Variants in LMAN2L observed in about 807,000 individuals in gnomAD.
LMAN2L encodes the protein VIP36-like protein.
A neutral mutation model predicts 44.3 loss-of-function variants in LMAN2L; 30 were observed. The observed-to-expected ratio is 0.68, with a 90% confidence interval of 0.51 to 0.92. LMAN2L has a LOEUF of 0.92. LMAN2L is among the 40% of genes least tolerant of loss of function. LMAN2L has a pLI of 0.00. For missense variants in LMAN2L, 429 were observed against 446.1 expected (o/e 0.96, Z 0.35); for synonymous variants, 183 against 171.1 (o/e 1.07, Z -0.54).
In LMAN2L at chr2:96,706,436, T is replaced by C. The variant is rs1041276807; in HGVS notation, c.*820A>G. On this transcript the variant is annotated 3_prime_UTR_variant, in exon 8 of 8. Coordinates refer to ENST00000264963, the MANE Select transcript of LMAN2L (RefSeq NM_030805.4). ...TTTGATCAAACCTGGAGCTGGTCAG[T>C]TGCACAGCTAATCCATGGCATCCAT... 7.2e-5 allele frequency: 11 copies of C among 152,234 alleles called. No individual in the cohort carries two copies. The highest frequency in any genetic ancestry group is 2.7e-4 in the African/African-American group (11 of 41,460). The allele number at this position is 152,234 out of a possible 1,614,324, so 9.4% of individuals were successfully genotyped here. A position where few individuals can be genotyped will look rare whatever the true frequency, so the allele number is the denominator to read the frequency against.
intron 4 of LMAN2L, among the ~76,000 whole-genome samples, chr2:96,729,046 C>A (rs1249640338): frequency 2.6e-5 from 4 of 150,956 alleles, no homozygotes; most frequent in Non-Finnish European, 5.9e-5. Flanking sequence ...GTGGCAGGTA[C>A]TTGTAGTCCC....
chr2:96,736,209 G>A (rs944272867), intron 2 of LMAN2L, among the ~76,000 whole-genome samples: 3 of 152,140 alleles, frequency 2.0e-5, no homozygotes, highest in African/African-American at 7.2e-5. Context: ...TTGTGGTTCT[G>A]AAATTCTGCC....
intron 4 of LMAN2L, among the ~76,000 whole-genome samples, chr2:96,725,961 A>T (rs1348587196): frequency 1.3e-5 from 2 of 151,598 alleles, no homozygotes; most frequent in Non-Finnish European, 2.9e-5. Flanking sequence ...GTGAAACCCC[A>T]TCTCTACTAA....
At chr2:96,734,347 A>G in intron 3 of LMAN2L, 62 bp downstream of exon 3, 1 of 1,014,940 alleles carries the variant, frequency 9.9e-7, no homozygotes, top group African/African-American at 1.6e-5. Context: ...CCTTTTCAAA[A>G]AGAGGGCACA....
intron 4 of LMAN2L, among the ~76,000 whole-genome samples, chr2:96,719,261 C>G (rs2078101718): frequency 6.6e-6 from 1 of 152,094 alleles, no homozygotes; most frequent in African/African-American, 2.4e-5. Context: ...TTCTTGGGTC[C>G]AACACTTTAA....
intron 4 of LMAN2L, among the ~76,000 whole-genome samples, chr2:96,727,286 T>C (rs747951243): frequency 2.6e-5 from 4 of 152,168 alleles, no homozygotes; most frequent in Non-Finnish European, 5.9e-5. Context: ...TATATGTTGT[T>C]TGTCCTTTAG....
chr2:96,736,227 G>A (rs1185169072), intron 2 of LMAN2L, among the ~76,000 whole-genome samples: 2 of 152,112 alleles, frequency 1.3e-5, no homozygotes, highest in Non-Finnish European at 2.9e-5. Context: ...GCCACACACT[G>A]GATTCACCTA....
chr2:96,719,451 G>C (rs1052241301), intron 4 of LMAN2L, among the ~76,000 whole-genome samples: 2 of 152,100 alleles, frequency 1.3e-5, no homozygotes, highest in Admixed American at 6.6e-5. Flanking sequence ...TCTTCATCAA[G>C]ACAAAGACTT....
chr2:96,731,942 G>A (rs1235019456), intron 4 of LMAN2L, among the ~76,000 whole-genome samples: 9 of 151,938 alleles, frequency 5.9e-5, no homozygotes, highest in African/African-American at 2.2e-4. Flanking sequence ...CCACCTCCCA[G>A]GTTCAAGTGA....
At chr2:96,711,247 A>G (rs1360762807) in intron 6 of LMAN2L, among the ~76,000 whole-genome samples, 2 of 152,226 alleles carry the variant, frequency 1.3e-5, no homozygotes, top group Non-Finnish European at 2.9e-5. Flanking sequence ...AACACATTCA[A>G]AAGTCTCAGC....
intron 2 of LMAN2L, 125 bp from the exon 3 acceptor site, chr2:96,734,651 T>C (rs189125672): frequency 1.0e-4 from 66 of 662,764 alleles, no homozygotes; most frequent in Middle Eastern, 7.4e-4. Context: ...GGTTAAAACT[T>C]AAATCTAAGA....
rs771832951 is a variant in LMAN2L, at chr2:96,734,409, C to A, written c.424G>T (p.Gly142Trp). The change falls in exon 3 of 8, where the codon GGG becomes TGG. Residue 142 changes from glycine (G) to tryptophan (W), a missense_variant and splice_region_variant. By Grantham distance (184) the Gly-to-Trp change is radical. Transcript: ENST00000264963. ...CAAGAGTAACACAGGCTCCCAATACCTGGCTGCATCCGATCCTTTGTGTAC... is the reference window on the plus strand; with the variant it reads ...CAAGAGTAACACAGGCTCCCAATACATGGCTGCATCCGATCCTTTGTGTAC... ...IWYTKDRMQP[G>W]PVFGNMDKFV... 1.3e-6 allele frequency: 2 copies of A among 1,578,376 alleles called. No individual in the cohort carries two copies. The highest frequency in any genetic ancestry group is 1.7e-6 in the Non-Finnish European group (2 of 1,147,326).
At position 96,736,955 on chromosome 2, in the gene LMAN2L, T is replaced by G. The variant is rs2078528980; in HGVS notation, c.306+994A>C. On this transcript the variant is annotated intron_variant, in intron 2 of 7. Transcript: ENST00000264963. ...TGCCCTCCTGAACAGGGAAAAGAAATCGTTCTCTTTTCTGAGATTCGCTTA... is the reference window on the plus strand; with the variant it reads ...TGCCCTCCTGAACAGGGAAAAGAAAGCGTTCTCTTTTCTGAGATTCGCTTA... Among the ~76,000 whole-genome samples, 4 of 152,234 alleles carry G rather than the reference T, an allele frequency of 2.6e-5. No homozygotes were observed. The South Asian group carries it at 8.3e-4, about 32-fold the overall frequency.
chr2:96,722,402 G>C (rs1339788463), intron 4 of LMAN2L, among the ~76,000 whole-genome samples: 1 of 151,718 alleles, frequency 6.6e-6, no homozygotes, highest in Non-Finnish European at 1.5e-5. Context: ...GGGGTGATGG[G>C]AGACAGTGAC....
intron 4 of LMAN2L, among the ~76,000 whole-genome samples, chr2:96,726,756 C>T (rs180893417): frequency 1.3e-5 from 2 of 150,716 alleles, no homozygotes; most frequent in Admixed American, 1.3e-4. Context: ...TGCACTCCAG[C>T]CTGGGTGACA....
chr2:96,718,601 A>C (rs997973569), intron 4 of LMAN2L, among the ~76,000 whole-genome samples: 13 of 152,160 alleles, frequency 8.5e-5, no homozygotes, highest in African/African-American at 3.1e-4. Flanking sequence ...AGCGGAACAC[A>C]CTGTCACTTA....
intron 4 of LMAN2L, 101 bp from the exon 5 acceptor site, chr2:96,712,126 C>T (rs949143324): frequency 2.2e-5 from 27 of 1,207,422 alleles, no homozygotes; most frequent in Non-Finnish European, 2.6e-5. Context: ...GAGCCCCTTA[C>T]AGCAGAATAG....
At chr2:96,730,659 C>T (rs1016677444) in intron 4 of LMAN2L, among the ~76,000 whole-genome samples, 45 of 150,884 alleles carry the variant, frequency 3.0e-4, no homozygotes, top group African/African-American at 1.0e-3. Context: ...TATTTCCACA[C>T]ACTCATTATC....
At chr2:96,726,672 T>C (rs955819570) in intron 4 of LMAN2L, among the ~76,000 whole-genome samples, 1 of 151,954 alleles carries the variant, frequency 6.6e-6, no homozygotes, top group African/African-American at 2.4e-5. Context: ...TAATCCCAGC[T>C]GCTCAGGAGG....
Sources: allele counts gnomAD v4.1 joint callset (sites outside exome capture counted in the v4.1 genomes callset), GRCh38; gene constraint gnomAD v4.1.1; transcripts MANE v1.5; gene names NCBI Gene and HGNC (gene_info 2026-07-23, HGNC 2026-07-21).